The following RBM47 variants were observed in gnomAD, a reference collection of about 807,000 sequenced individuals.
The protein encoded by RBM47 is RNA binding motif protein 47.
In RBM47, 21 loss-of-function variants were observed where a neutral mutation model predicts 47.1. The observed-to-expected ratio is 0.45, with a 90% confidence interval of 0.32 to 0.64. RBM47 has a LOEUF of 0.64. Ranked by LOEUF, RBM47 falls within the 30% of genes least tolerant of loss-of-function variation. RBM47 has a pLI of 0.05. For synonymous variants in RBM47, 375 were observed against 361.7 expected (o/e 1.04, Z -0.42); for missense variants, 708 against 870.9 (o/e 0.81, Z 2.35).
intron 2 of RBM47, among the ~76,000 whole-genome samples, chr4:40,526,057 C>T (rs963573091): frequency 1.3e-5 from 2 of 152,178 alleles, no homozygotes; most frequent in Non-Finnish European, 2.9e-5. Context: ...AAGCATGGAC[C>T]TTAGATGACG....
chr4:40,508,152 CTT>C (rs1724384857), intron 2 of RBM47, among the ~76,000 whole-genome samples: 1 of 152,174 alleles, frequency 6.6e-6, no homozygotes, highest in Non-Finnish European at 1.5e-5. Flanking sequence ...CTGGCATTGT[CTT>C]TGCCAGGACG....
At chr4:40,567,242 AT>A (rs1436785616) in intron 1 of RBM47, among the ~76,000 whole-genome samples, 3 of 151,942 alleles carry the variant, frequency 2.0e-5, no homozygotes, top group Non-Finnish European at 4.4e-5. Flanking sequence ...CAACTTCGGA[AT>A]TTTAGGAAAG....
chr4:40,564,133 C>G (rs1355436526), intron 1 of RBM47, among the ~76,000 whole-genome samples: 3 of 152,230 alleles, frequency 2.0e-5, no homozygotes, highest in African/African-American at 7.2e-5. Context: ...AGACCACAGT[C>G]TAGCTTCCCA....
At chr4:40,614,942 ACTT>A (rs1736587739) in intron 1 of RBM47, among the ~76,000 whole-genome samples, 1 of 151,994 alleles carries the variant, frequency 6.6e-6, no homozygotes, top group Admixed American at 6.6e-5. Context: ...TGTAAAACCT[ACTT>A]CTCACGGGTG....
chr4:40,603,907 A>G (rs1376519203), intron 1 of RBM47, among the ~76,000 whole-genome samples: 2 of 152,136 alleles, frequency 1.3e-5, no homozygotes, highest in African/African-American at 4.8e-5. Context: ...AGCCGGCACC[A>G]GGCATTTCAA....
chr4:40,594,467 G>A (rs1023085597), intron 1 of RBM47, among the ~76,000 whole-genome samples: 1 of 152,024 alleles, frequency 6.6e-6, no homozygotes. Context: ...TCATTATACG[G>A]CTACACGTCT....
intron 2 of RBM47, among the ~76,000 whole-genome samples, chr4:40,518,165 T>G (rs1344899388): frequency 1.2e-5 from 1 of 85,030 alleles, no homozygotes; most frequent in Non-Finnish European, 2.1e-5. Flanking sequence ...TTTCTTTTTT[T>G]TTTTTTTTTT....
intron 1 of RBM47, among the ~76,000 whole-genome samples, chr4:40,567,962 G>C (rs1005058302): frequency 6.6e-6 from 1 of 151,928 alleles, no homozygotes; most frequent in Non-Finnish European, 1.5e-5. Context: ...GTCCCAAACT[G>C]AATAAAATGT....
chr4:40,454,251 G>A (rs1715885575), intron 3 of RBM47, among the ~76,000 whole-genome samples: 1 of 152,190 alleles, frequency 6.6e-6, no homozygotes, highest in Admixed American at 6.5e-5. Context: ...GATTTCCTGG[G>A]TTTGAGCCCT....
chr4:40,590,232 AC>A (rs1467799091), intron 1 of RBM47, among the ~76,000 whole-genome samples: 1 of 152,114 alleles, frequency 6.6e-6, no homozygotes, highest in Non-Finnish European at 1.5e-5. Flanking sequence ...CAACTGATTC[AC>A]TTTTTAAAGA....
chr4:40,546,787 G>A (rs1729078553), intron 1 of RBM47, among the ~76,000 whole-genome samples: 1 of 152,196 alleles, frequency 6.6e-6, no homozygotes, highest in Non-Finnish European at 1.5e-5. Context: ...GGACCTGGCT[G>A]TTTGCTTACA....
At chr4:40,506,799 C>G (rs1232899307) in intron 2 of RBM47, among the ~76,000 whole-genome samples, 1 of 152,166 alleles carries the variant, frequency 6.6e-6, no homozygotes, top group African/African-American at 2.4e-5. Flanking sequence ...TCAGATGGAG[C>G]CAAACAAGCA....
At chr4:40,579,140 C>T (rs1367465871) in intron 1 of RBM47, among the ~76,000 whole-genome samples, 1 of 132,234 alleles carries the variant, frequency 7.6e-6, no homozygotes, top group African/African-American at 2.9e-5. Context: ...AAAAAAAATG[C>T]AGCCAGGCAC....
chr4:40,545,348 G>A (rs978090108), intron 1 of RBM47, among the ~76,000 whole-genome samples: 2 of 146,610 alleles, frequency 1.4e-5, no homozygotes, highest in Middle Eastern at 3.4e-3. Flanking sequence ...ACGGCGCCCG[G>A]CCTGAGATCC....
At chr4:40,584,067 C>T (rs1733300072) in intron 1 of RBM47, among the ~76,000 whole-genome samples, 1 of 152,032 alleles carries the variant, frequency 6.6e-6, no homozygotes, top group African/African-American at 2.4e-5. Context: ...CAGGCTCAAG[C>T]GATCCTCCTA....
At chr4:40,527,348 G>A (rs1029743328) in intron 2 of RBM47, among the ~76,000 whole-genome samples, 1 of 150,184 alleles carries the variant, frequency 6.7e-6, no homozygotes, top group African/African-American at 2.5e-5. Context: ...GTGCAGTGGT[G>A]TGATCTCGGC....
chr4:40,550,125 C>T (rs983397812), intron 1 of RBM47, among the ~76,000 whole-genome samples: 1 of 152,170 alleles, frequency 6.6e-6, no homozygotes, highest in Admixed American at 6.6e-5. Flanking sequence ...TGTCTTGGAA[C>T]GAAGCTGGGT....
At chr4:40,588,850 G>C (rs1044108902) in intron 1 of RBM47, among the ~76,000 whole-genome samples, 4 of 152,064 alleles carry the variant, frequency 2.6e-5, no homozygotes, top group Admixed American at 2.6e-4. Flanking sequence ...CAGGGGCACT[G>C]GAATCGTGGC....
In RBM47 at chr4:40,507,602, G is replaced by C. The variant is rs1229100918; in HGVS notation, c.-155+36820C>G. Among the ~76,000 whole-genome samples, 6 of 152,150 alleles carry C rather than the reference G, an allele frequency of 3.9e-5. No individual in the cohort carries two copies. The East Asian group carries it at 9.7e-4, about 25-fold the overall frequency. ...AGGAATTCAAGACCAGCCTGGCCAA[G>C]ATGGTGAAACCCCGTCTCTACTAAA... On this transcript the variant is annotated intron_variant, in intron 2 of 6. Transcript: ENST00000295971.
Sources: gnomAD v4.1 joint callset for allele counts (sites outside exome capture counted in the v4.1 genomes callset) on GRCh38, gnomAD v4.1.1 for gene constraint, MANE v1.5 for transcripts, NCBI Gene and HGNC (gene_info 2026-07-23, HGNC 2026-07-21) for gene names.